The following MAP4K5 variants were observed in gnomAD, a reference collection of about 807,000 sequenced individuals.
MAP4K5 encodes the protein mitogen-activated protein kinase kinase kinase kinase 5.
Under a neutral mutation model 135.6 loss-of-function variants are expected in MAP4K5, and 82 were observed. The observed-to-expected ratio is 0.60, with a 90% confidence interval of 0.51 to 0.73. The LOEUF is 0.73. Among genes scored for constraint, MAP4K5 ranks in the 30% least tolerant of loss-of-function variants. The probability of loss-of-function intolerance (pLI) is 0.00; values close to 1 mark genes in which losing one functional copy is unlikely to be tolerated. For synonymous variants in MAP4K5, 347 were observed against 335.0 expected, an observed-to-expected ratio of 1.04 and a Z score of -0.39; for missense variants, 907 against 1,010.9, an observed-to-expected ratio of 0.90 and a Z score of 1.39.
intron 26 of MAP4K5, among the ~76,000 whole-genome samples, chr14:50,436,761 A>G (rs1235601378): frequency 6.6e-6 from 1 of 152,154 alleles, no homozygotes; most frequent in Non-Finnish European, 1.5e-5. Context: ...CCACATACCA[A>G]TGCTGGAAAA....
intron 21 of MAP4K5, 74 bp downstream of exon 21, chr14:50,442,658 A>T: frequency 1.9e-6 from 2 of 1,051,190 alleles, no homozygotes; most frequent in Non-Finnish European, 2.8e-6. Flanking sequence ...AAACAACTTC[A>T]AGTCACTGAT....
chr14:50,441,741 TATACACACACACAC>T (rs1255182247), intron 21 of MAP4K5, among the ~76,000 whole-genome samples: 1 of 101,400 alleles, frequency 9.9e-6, no homozygotes, highest in Non-Finnish European at 2.0e-5. Flanking sequence ...AAAATTATTT[TATACACACACACAC>T]ACACACACAC....
intron 21 of MAP4K5, among the ~76,000 whole-genome samples, 168 bp from the exon 22 acceptor site, chr14:50,440,609 TTTC>T (rs1178305720): frequency 1.2e-4 from 19 of 152,170 alleles, no homozygotes; most frequent in Admixed American, 1.1e-3. Context: ...CCCCAATTCC[TTTC>T]TTATTTTTTA....
rs960301672 is a variant in MAP4K5 at position 50,419,588 on chromosome 14, C to G, written c.*431G>C. 1 of 156,930 alleles carries G rather than the reference C, an allele frequency of 6.4e-6. No individual in the cohort carries two copies. Among genetic ancestry groups the G allele is most frequent in the African/African-American group, 2.4e-5 (1 of 41,388 alleles). The allele number at this position is 156,930 out of a possible 1,614,324, so 9.7% of individuals were successfully genotyped here. A position where few individuals can be genotyped will look rare whatever the true frequency, so the allele number is the denominator to read the frequency against. On this transcript the variant is annotated 3_prime_UTR_variant, in exon 33 of 33. Transcript: ENST00000682126. ...TGTTTTACAAAAACATACAGAATGG[C>G]CAATATAAAAGTGAAAACCTTGCTT... is the stretch of plus-strand genomic sequence containing the variant.
intron 1 of MAP4K5, among the ~76,000 whole-genome samples, chr14:50,547,125 A>C (rs1241323042): frequency 6.6e-6 from 1 of 152,158 alleles, no homozygotes; most frequent in Non-Finnish European, 1.5e-5. Flanking sequence ...AGGCTATAAA[A>C]ATGGTTAACA....
At chr14:50,544,710 G>A (rs1440750503) in intron 1 of MAP4K5, among the ~76,000 whole-genome samples, 2 of 152,016 alleles carry the variant, frequency 1.3e-5, no homozygotes, top group Admixed American at 1.3e-4. Flanking sequence ...GAGGTGGGAG[G>A]ATTGCTTGAG....
At chr14:50,514,101 C>A (rs1039656618) in intron 2 of MAP4K5, among the ~76,000 whole-genome samples, 8 of 151,862 alleles carry the variant, frequency 5.3e-5, no homozygotes, top group Non-Finnish European at 8.8e-5. Flanking sequence ...TTTTTGAGGC[C>A]GAGTCTTGCT....
At chr14:50,458,018 AAC>A (rs2036628396) in intron 13 of MAP4K5, among the ~76,000 whole-genome samples, 1 of 152,166 alleles carries the variant, frequency 6.6e-6, no homozygotes, top group Non-Finnish European at 1.5e-5. Context: ...TACACAGCAG[AAC>A]ACACTGAAAA....
intron 21 of MAP4K5, among the ~76,000 whole-genome samples, chr14:50,440,697 T>G (rs1423567363): frequency 6.6e-6 from 1 of 152,182 alleles, no homozygotes; most frequent in Non-Finnish European, 1.5e-5. Context: ...TTCAACATAA[T>G]TTTTGTATTT....
At chr14:50,494,197 C>A (rs2037546317) in intron 3 of MAP4K5, among the ~76,000 whole-genome samples, 2 of 151,422 alleles carry the variant, frequency 1.3e-5, no homozygotes, top group Admixed American at 6.6e-5. Context: ...GAGACAGAGT[C>A]TCGCCTGTCA....
intron 16 of MAP4K5, among the ~76,000 whole-genome samples, chr14:50,446,754 C>T (rs2036361853): frequency 6.6e-6 from 1 of 152,314 alleles, no homozygotes; most frequent in East Asian, 1.9e-4. Flanking sequence ...GCAAGGCATA[C>T]AGTGGTTGTA....
At chr14:50,524,391 A>G (rs1002977752) in intron 2 of MAP4K5, among the ~76,000 whole-genome samples, 4 of 152,302 alleles carry the variant, frequency 2.6e-5, no homozygotes, top group African/African-American at 9.6e-5. Flanking sequence ...TTACTCCTTC[A>G]AGGCATATTT....
chr14:50,441,933 T>C (rs1399912162), intron 21 of MAP4K5, among the ~76,000 whole-genome samples: 1 of 152,132 alleles, frequency 6.6e-6, no homozygotes, highest in Non-Finnish European at 1.5e-5. Context: ...TGCTAATTGC[T>C]AGACACTGGG....
At chr14:50,521,476 CTAACAG>C (rs1388904868) in intron 2 of MAP4K5, among the ~76,000 whole-genome samples, 2 of 152,152 alleles carry the variant, frequency 1.3e-5, no homozygotes, top group Non-Finnish European at 2.9e-5. Flanking sequence ...GTGCCATCTA[CTAACAG>C]TAAGATTGAG....
intron 2 of MAP4K5, among the ~76,000 whole-genome samples, chr14:50,540,146 C>T (rs1238581506): frequency 6.6e-6 from 1 of 152,176 alleles, no homozygotes; most frequent in Non-Finnish European, 1.5e-5. Flanking sequence ...GGTGGCTCAA[C>T]TGTCAAAGAC....
At chr14:50,482,218 G>T in intron 6 of MAP4K5, 143 bp downstream of exon 6, 1 of 519,394 alleles carries the variant, frequency 1.9e-6, no homozygotes, top group South Asian at 3.2e-5. Flanking sequence ...GAGATTAACA[G>T]AAAAATCATT....
chr14:50,465,434 C>G (rs908717279), intron 11 of MAP4K5, among the ~76,000 whole-genome samples: 2 of 152,052 alleles, frequency 1.3e-5, no homozygotes, highest in Non-Finnish European at 2.9e-5. Flanking sequence ...TTTTATTAAC[C>G]AATTGATGAC....
chr14:50,423,048 AGACT>A, intron 32 of MAP4K5, 69 bp downstream of exon 32: 1 of 664,768 alleles, frequency 1.5e-6, no homozygotes, highest in Non-Finnish European at 2.6e-6. Flanking sequence ...AAACAATTAC[AGACT>A]GACAGTATAA....
At chr14:50,487,759 T>C (rs2037397123) in intron 3 of MAP4K5, among the ~76,000 whole-genome samples, 2 of 152,196 alleles carry the variant, frequency 1.3e-5, no homozygotes, top group Non-Finnish European at 2.9e-5. Context: ...GTAGAAAGTC[T>C]GCCTACCTAG....
Sources: allele counts gnomAD v4.1 joint callset (sites outside exome capture counted in the v4.1 genomes callset), GRCh38; gene constraint gnomAD v4.1.1; transcripts MANE v1.5; gene names NCBI Gene and HGNC (gene_info 2026-07-23, HGNC 2026-07-21).